TMEM132D: variants seen among roughly 807,000 people sequenced by gnomAD.
TMEM132D encodes the protein mature OL transmembrane protein.
Under a neutral mutation model 62.3 loss-of-function variants are expected in TMEM132D, and 21 were observed. The observed-to-expected ratio is 0.34, with a 90% CI of 0.24 to 0.49. The LOEUF (loss-of-function observed/expected upper bound fraction) is 0.49. Among genes scored for constraint, TMEM132D ranks in the 20% least tolerant of loss-of-function variants. TMEM132D has a pLI of 0.99. For synonymous variants in TMEM132D, 621 were observed against 575.6 expected, an observed-to-expected ratio of 1.08 and a Z score of -1.13; for missense variants, 1,346 against 1,402.8, an observed-to-expected ratio of 0.96 and a Z score of 0.65.
chr12:129,560,775 G>C (rs528711108), intron 2 of TMEM132D, among the ~76,000 whole-genome samples: 1 of 152,182 alleles, frequency 6.6e-6, no homozygotes, highest in Non-Finnish European at 1.5e-5. Context: ...ACCTTCTTCA[G>C]GGAGAGTCAA....
chr12:129,204,645 T>G (rs1358611435), intron 5 of TMEM132D, among the ~76,000 whole-genome samples: 1 of 152,200 alleles, frequency 6.6e-6, no homozygotes, highest in African/African-American at 2.4e-5. Context: ...CTTTGCTAGA[T>G]ATGCCAACAT....
intron 5 of TMEM132D, among the ~76,000 whole-genome samples, chr12:129,142,152 C>T (rs1876762851): frequency 6.6e-6 from 1 of 152,020 alleles, no homozygotes; most frequent in Admixed American, 6.6e-5. Context: ...TATTCCCTTC[C>T]ATGTGAGTAT....
chr12:129,317,131 G>A (rs1396912259), intron 4 of TMEM132D, among the ~76,000 whole-genome samples: 1 of 152,168 alleles, frequency 6.6e-6, no homozygotes, highest in Non-Finnish European at 1.5e-5. Flanking sequence ...TTCAATGTTA[G>A]CATTGAAATG....
At chr12:129,663,393 C>T (rs1880294312) in intron 2 of TMEM132D, among the ~76,000 whole-genome samples, 1 of 152,230 alleles carries the variant, frequency 6.6e-6, no homozygotes, top group African/African-American at 2.4e-5. Flanking sequence ...CCACCTCAGC[C>T]TTCCAAAGTA....
At chr12:129,235,550 CTGAG>C (rs1879757185) in intron 4 of TMEM132D, among the ~76,000 whole-genome samples, 1 of 152,020 alleles carries the variant, frequency 6.6e-6, no homozygotes. Context: ...ATTTTTGTGG[CTGAG>C]TAATATTTTA....
At chr12:129,276,365 A>AT (rs1351023183) in intron 4 of TMEM132D, among the ~76,000 whole-genome samples, 1 of 152,172 alleles carries the variant, frequency 6.6e-6, no homozygotes, top group East Asian at 1.9e-4. Flanking sequence ...GAGCGTGCCA[A>AT]TTTTTTTCTC....
chr12:129,130,054 T>TGTGTGTGTGTGTGTGC (rs1593270738), intron 5 of TMEM132D, among the ~76,000 whole-genome samples: 1 of 151,196 alleles, frequency 6.6e-6, no homozygotes. Context: ...TGTGTGTGTG[T>TGTGTGTGTGTGTGTGC]TTATTTATGC....
chr12:129,743,001 G>A (rs1446441789), intron 1 of TMEM132D, among the ~76,000 whole-genome samples: 1 of 152,214 alleles, frequency 6.6e-6, no homozygotes, highest in Non-Finnish European at 1.5e-5. Flanking sequence ...TCCACTGGGG[G>A]AATCACACTG....
chr12:129,250,268 G>A (rs907883239), intron 4 of TMEM132D, among the ~76,000 whole-genome samples: 1 of 152,178 alleles, frequency 6.6e-6, no homozygotes, highest in Non-Finnish European at 1.5e-5. Flanking sequence ...CTAAGAAAAT[G>A]AGACTGACAT....
intron 1 of TMEM132D, among the ~76,000 whole-genome samples, chr12:129,775,478 C>T (rs1380114924): frequency 6.6e-6 from 1 of 152,196 alleles, no homozygotes; most frequent in Non-Finnish European, 1.5e-5. Context: ...CGCCCCTGTT[C>T]ACTGGTTGAG....
rs368677574 is a variant in TMEM132D at position 129,074,184 on chromosome 12, G to A, written c.2991C>T (p.Phe997=). ...TGCTGAGGAGATATTTACTTTCCTC[G>A]AAATCCATGCCCCTGTCAATGGCAG... is the stretch of plus-strand genomic sequence containing the variant. The part of the protein sequence containing the change: ...QITAIDRGMD[F]EESKYLLSTN... The change falls in exon 9 of 9, where the codon TTC becomes TTT. Residue 997 remains phenylalanine, a synonymous_variant. Coordinates refer to ENST00000422113, the MANE Select transcript of TMEM132D (RefSeq NM_133448.3). 154 of 1,613,788 alleles carry A rather than the reference G, an allele frequency of 9.5e-5. No individual in the cohort carries two copies. Among genetic ancestry groups the A allele is most frequent in the Non-Finnish European group, 1.1e-4 (132 of 1,180,006 alleles).
At chr12:129,119,814 AC>A (rs1201520914) in intron 5 of TMEM132D, among the ~76,000 whole-genome samples, 1 of 152,158 alleles carries the variant, frequency 6.6e-6, no homozygotes, top group Non-Finnish European at 1.5e-5. Flanking sequence ...AGTCAGGGAA[AC>A]AGATGTAAAT....
At chr12:129,895,165 A>G (rs1344621032) in intron 1 of TMEM132D, among the ~76,000 whole-genome samples, 1 of 152,146 alleles carries the variant, frequency 6.6e-6, no homozygotes, top group Non-Finnish European at 1.5e-5. Flanking sequence ...GGAATCCACC[A>G]AAGCATAGCA....
At chr12:129,810,176 C>T (rs1050184176) in intron 1 of TMEM132D, among the ~76,000 whole-genome samples, 2 of 152,032 alleles carry the variant, frequency 1.3e-5, no homozygotes, top group African/African-American at 2.4e-5. Context: ...ATATCTCTAA[C>T]GCCAGCACTC....
intron 5 of TMEM132D, among the ~76,000 whole-genome samples, chr12:129,140,574 C>T (rs969775968): frequency 1.2e-4 from 19 of 152,138 alleles, no homozygotes; most frequent in Admixed American, 5.2e-4. Flanking sequence ...CATGGTGGCT[C>T]CTGCCTGTAA....
At chr12:129,196,629 T>C (rs772302482) in intron 5 of TMEM132D, among the ~76,000 whole-genome samples, 4 of 152,158 alleles carry the variant, frequency 2.6e-5, no homozygotes, top group Non-Finnish European at 4.4e-5. Context: ...GTTTATTTGC[T>C]GATGCTGTTC....
intron 4 of TMEM132D, among the ~76,000 whole-genome samples, chr12:129,249,696 A>G (rs1489313583): frequency 2.0e-5 from 3 of 152,194 alleles, no homozygotes; most frequent in African/African-American, 4.8e-5. Flanking sequence ...CTCAGTTACA[A>G]TAACAGATAT....
At chr12:129,195,029 C>A (rs12306634) in intron 5 of TMEM132D, among the ~76,000 whole-genome samples, 1 of 152,006 alleles carries the variant, frequency 6.6e-6, no homozygotes, top group Admixed American at 6.6e-5. Flanking sequence ...AGTCCTCACC[C>A]TTGTAGAGGT....
chr12:129,692,224 A>G (rs1881079542), intron 2 of TMEM132D, among the ~76,000 whole-genome samples: 1 of 152,178 alleles, frequency 6.6e-6, no homozygotes, highest in Non-Finnish European at 1.5e-5. Flanking sequence ...TATAAAAAGA[A>G]TTACACACCA....
Sources: gnomAD v4.1 joint callset for allele counts (sites outside exome capture counted in the v4.1 genomes callset) on GRCh38, gnomAD v4.1.1 for gene constraint, MANE v1.5 for transcripts, NCBI Gene and HGNC (gene_info 2026-07-23, HGNC 2026-07-21) for gene names.